Variants in CHD1 observed in about 807,000 individuals in gnomAD.
CHD1 encodes ATP-dependent chromatin remodeler CHD1.
A neutral mutation model predicts 224.2 loss-of-function variants in CHD1; 36 were observed. The ratio of observed to expected loss-of-function variants is 0.16; its 90% CI spans 0.12 to 0.21. The LOEUF (loss-of-function observed/expected upper bound fraction) is 0.21. Ranked by LOEUF, CHD1 falls within the 10% of genes least tolerant of loss-of-function variation. The pLI is 1.00. For synonymous variants in CHD1, 668 were observed against 658.3 expected, an observed-to-expected ratio of 1.01 and a Z score of -0.23; for missense variants, 1,378 against 1,994.8, an observed-to-expected ratio of 0.69 and a Z score of 5.89.
In CHD1 at chr5:98,858,259, C is replaced by A; in HGVS notation, c.4708G>T (p.Asp1570Tyr). Residue 1570 changes from aspartate to tyrosine, a missense_variant, in exon 35 of 36, where the codon GAT (aspartate) becomes TAT (tyrosine). Physicochemically the swap from Asp to Tyr is radical, Grantham distance 160 (BLOSUM62 -3). This residue lies in a region of CHD1 where 278 missense variants were observed against 298.5 expected (regional missense o/e 0.93). Transcript: ENST00000614616. ...RHQGDSYKKS[D>Y]SRKRPYSSFS... Reference sequence around the variant, plus strand: ...GAAGAATAGGGTCTTTTCCTGGAATCACTTTTTTTGTAAGAATCTCCCTGA... The same window carrying A: ...GAAGAATAGGGTCTTTTCCTGGAATAACTTTTTTTGTAAGAATCTCCCTGA... 6.2e-7 allele frequency: 1 copy of A among 1,613,310 alleles called. No individual in the cohort carries two copies. Among genetic ancestry groups the A allele is most frequent in the South Asian group, 1.1e-5 (1 of 91,054 alleles).
At chr5:98,875,152 T>TA in intron 24 of CHD1, 39 bp from the exon 25 acceptor site, 1 of 1,206,864 alleles carries the variant, frequency 8.3e-7, no homozygotes, top group South Asian at 1.3e-5. Flanking sequence ...TGAGCTTCAG[T>TA]ATTCACTAAA....
intron 19 of CHD1, among the ~76,000 whole-genome samples, 176 bp from the exon 20 acceptor site, chr5:98,882,299 G>A (rs951065117): frequency 6.6e-6 from 1 of 151,682 alleles, no homozygotes; most frequent in African/African-American, 2.4e-5. Context: ...CAACTTAAGG[G>A]ACTATTTTGA....
intron 14 of CHD1, 130 bp from the exon 15 acceptor site, chr5:98,892,843 A>C (rs938298180): frequency 5.9e-6 from 3 of 506,648 alleles, no homozygotes; most frequent in Non-Finnish European, 1.0e-5. Context: ...AAAATTAGCT[A>C]AACTTAGTTA....
In CHD1 at chr5:98,901,266, C is replaced by T; in HGVS notation, c.507G>A (p.Glu169=). The part of the protein sequence containing the change: ...QSGSDSESEE[E]REKSSCDETE... ...TTTCATCACAACTGCTTTTCTCTCTCTCTTCTTCAGATTCTGAATCTGAAC... is the reference window on the plus strand; with the variant it reads ...TTTCATCACAACTGCTTTTCTCTCTTTCTTCTTCAGATTCTGAATCTGAAC... The change falls in exon 6 of 36, where the codon GAG becomes GAA. Residue 169 remains glutamate, a synonymous_variant. Coordinates refer to ENST00000614616, the MANE Select transcript of CHD1 (RefSeq NM_001270.4). 2 of 1,613,922 alleles carry T rather than the reference C, an allele frequency of 1.2e-6. No individual in the cohort carries two copies. The highest frequency in any genetic ancestry group is 2.2e-5 in the East Asian group (1 of 44,852).
chr5:98,925,178 T>A (rs1753374390), intron 2 of CHD1, among the ~76,000 whole-genome samples: 1 of 152,224 alleles, frequency 6.6e-6, no homozygotes, highest in African/African-American at 2.4e-5. Context: ...CTGGTTACAA[T>A]AAGCAAATAT....
At chr5:98,891,004 T>C (rs1750983004) in intron 15 of CHD1, among the ~76,000 whole-genome samples, 2 of 152,188 alleles carry the variant, frequency 1.3e-5, no homozygotes, top group Non-Finnish European at 1.5e-5. Flanking sequence ...ACACTGATAC[T>C]GAATATTGGT....
At position 98,918,438 on chromosome 5, in the gene CHD1, C is replaced by T. The variant is rs191750040; in HGVS notation, c.53+7896G>A. On this transcript the variant is annotated intron_variant, in intron 2 of 35. Coordinates refer to ENST00000614616, the MANE Select transcript of CHD1 (RefSeq NM_001270.4). ...CAAATACATTCTCCTTATTAGGGGA[C>T]TTGCATACTTCTTTAATGGGGGACT... 9.4e-3 allele frequency among the ~76,000 whole-genome samples: 1,432 copies of T among 151,704 alleles called. 17 individuals are homozygous for T. The highest frequency in any genetic ancestry group is 0.021 in the South Asian group (100 of 4,784).
intron 23 of CHD1, among the ~76,000 whole-genome samples, chr5:98,878,242 T>C (rs1218399038): frequency 6.6e-6 from 1 of 152,248 alleles, no homozygotes; most frequent in Non-Finnish European, 1.5e-5. Context: ...TGGTACAGCC[T>C]TGGAGAAAGT....
intron 13 of CHD1, 92 bp from the exon 14 acceptor site, chr5:98,893,698 TA>T: frequency 1.3e-6 from 1 of 781,714 alleles, no homozygotes; most frequent in South Asian, 1.9e-5. Flanking sequence ...TAAAATGAAA[TA>T]AAAATTAAAA....
intron 23 of CHD1, among the ~76,000 whole-genome samples, chr5:98,879,045 A>G (rs562255167): frequency 6.6e-6 from 1 of 152,298 alleles, no homozygotes; most frequent in East Asian, 1.9e-4. Flanking sequence ...CAGCCTGGAC[A>G]ACATGGTAAA....
intron 18 of CHD1, 53 bp from the exon 19 acceptor site, chr5:98,883,290 C>T (rs900740708): frequency 2.2e-5 from 29 of 1,294,540 alleles, no homozygotes; most frequent in Non-Finnish European, 2.9e-5. Flanking sequence ...ATTTTCTGAA[C>T]GTAAGCAGTA....
In CHD1 at chr5:98,854,980, G is replaced by A. The variant is rs1747913303; in HGVS notation, c.*1400C>T. On this transcript the variant is annotated 3_prime_UTR_variant, in exon 36 of 36. Transcript: ENST00000614616. Reference sequence around the variant, plus strand: ...ATAATATCTGTAGGAAGCCAAAAGGGGCCAACAAAAATGTCTATGACCTAA... The same window carrying A: ...ATAATATCTGTAGGAAGCCAAAAGGAGCCAACAAAAATGTCTATGACCTAA... 1 of 151,870 alleles carries A rather than the reference G, an allele frequency of 6.6e-6. No individual in the cohort carries two copies. The highest frequency in any genetic ancestry group is 2.1e-4 in the South Asian group (1 of 4,820). The allele number at this position is 151,870 out of a possible 1,614,324, so 9.4% of individuals were successfully genotyped here. A position where few individuals can be genotyped will look rare whatever the true frequency, so the allele number is the denominator to read the frequency against.
At chr5:98,904,801 T>C (rs1751943972) in intron 3 of CHD1, 96 bp downstream of exon 3, 7 of 1,083,988 alleles carry the variant, frequency 6.5e-6, no homozygotes, top group African/African-American at 1.6e-5. Context: ...TGTTGTCTTC[T>C]CTAAAAGCTA....
rs1561488155 is a variant in CHD1 at position 98,869,780 on chromosome 5, C to G, written c.4081G>C (p.Glu1361Gln). Residue 1361 changes from glutamate (E) to glutamine (Q), a missense_variant, in exon 30 of 36, where the codon GAG becomes CAG. Physicochemically the swap from Glu to Gln is conservative, Grantham distance 29. Transcript: ENST00000614616. Reference protein sequence around the residue: ...IKSDSSPLPSEKSDEDDDKLS... With the variant: ...IKSDSSPLPSQKSDEDDDKLS... The stretch of plus-strand genomic sequence containing the variant: ...TTATCATCATCTTCATCAGACTTCT[C>G]TGAAGGCAGAGGAGAAGAATCACTC... 6.2e-7 allele frequency: 1 copy of G among 1,613,620 alleles called. No homozygotes were observed. Among genetic ancestry groups the G allele is most frequent in the East Asian group, 2.2e-5 (1 of 44,828 alleles).
At chr5:98,880,580 T>C (rs552225967) in intron 22 of CHD1, among the ~76,000 whole-genome samples, 10 of 152,192 alleles carry the variant, frequency 6.6e-5, no homozygotes, top group Admixed American at 1.3e-4. Context: ...ATGAGGTCAG[T>C]TGACTTACGT....
chr5:98,870,243 A>G (rs1749233054), intron 29 of CHD1, among the ~76,000 whole-genome samples: 5 of 152,218 alleles, frequency 3.3e-5, no homozygotes, highest in Admixed American at 2.6e-4. Context: ...TTATGGTCAC[A>G]GGTAAACTTC....
intron 2 of CHD1, among the ~76,000 whole-genome samples, chr5:98,918,633 T>A (rs1752898781): frequency 2.0e-5 from 3 of 150,868 alleles, no homozygotes; most frequent in Non-Finnish European, 1.5e-5. Context: ...CTGGGCATGG[T>A]GACGCGTGCC....
chr5:98,920,244 G>A (rs983531221), intron 2 of CHD1, among the ~76,000 whole-genome samples: 4 of 152,006 alleles, frequency 2.6e-5, no homozygotes, highest in African/African-American at 9.7e-5. Flanking sequence ...CCCCCCACCA[G>A]GAGATGGAAT....
chr5:98,858,326 A>T lies in CHD1; in HGVS notation c.4641T>A (p.Asp1547Glu), dbSNP rs770390161. The change falls in exon 35 of 36, where the codon GAT (aspartate) becomes GAA (glutamate). Residue 1547 changes from aspartate to glutamate, a missense_variant. Physicochemically the swap from Asp to Glu is conservative, Grantham distance 45. This residue lies in a region of CHD1 where 278 missense variants were observed against 298.5 expected (regional missense o/e 0.93). Coordinates refer to ENST00000614616, the MANE Select transcript of CHD1 (RefSeq NM_001270.4). ...DDSSRDSYSS[D>E]RHLTQYHDHH... is the part of the protein sequence containing the mutation. The stretch of plus-strand genomic sequence containing the variant: ...GATCATGGTACTGAGTTAAGTGTCT[A>T]TCAGAGGAATAACTGTCCCTGCTGC... The T allele has an allele frequency of 9.3e-6, 15 of 1,613,252 alleles. No individual in the cohort carries two copies. In the East Asian group the frequency reaches 3.3e-4, roughly 36 times the overall value.
Sources: gnomAD v4.1 joint callset for allele counts (sites outside exome capture counted in the v4.1 genomes callset) on GRCh38, gnomAD v4.1.1 for gene constraint, gnomAD v4.1.1 regional missense constraint, MANE v1.5 for transcripts, NCBI Gene and HGNC (gene_info 2026-07-23, HGNC 2026-07-21) for gene names.